TDRD7: variants seen among roughly 807,000 people sequenced by gnomAD.
TDRD7 encodes tudor domain containing 7, also known as tudor domain-containing protein 7.
In TDRD7, 47 loss-of-function variants were observed where a neutral mutation model predicts 109.8. The observed-to-expected ratio is 0.43, with a 90% confidence interval of 0.34 to 0.55. TDRD7 has a LOEUF of 0.55. Among genes scored for constraint, TDRD7 ranks in the 20% least tolerant of loss-of-function variants. The pLI, the probability that TDRD7 is intolerant of heterozygous loss-of-function variation, is 0.03. For missense variants in TDRD7, 1,164 were observed against 1,319.2 expected (o/e 0.88, Z 1.82); for synonymous variants, 424 against 457.3 (o/e 0.93, Z 0.93).
chr9:97,491,954 G>C (rs1308871624), intron 16 of TDRD7, among the ~76,000 whole-genome samples: 5 of 152,262 alleles, frequency 3.3e-5, no homozygotes, highest in Non-Finnish European at 2.9e-5. Context: ...GGTTCCCCTG[G>C]AGTTTTTAAC....
chr9:97,441,812 A>G lies in TDRD7; in HGVS notation c.792A>G (p.Leu264=). 1 of 1,613,838 alleles carries G rather than the reference A, an allele frequency of 6.2e-7. No individual in the cohort carries two copies. The highest frequency in any genetic ancestry group is 1.1e-5 in the South Asian group (1 of 91,080). The change falls in exon 6 of 17, where the codon TTA becomes TTG. Residue 264 remains leucine (L), a synonymous_variant. Transcript: ENST00000355295. ...AGCTTCCACATTTTTACAAAGAGTT[A>G]TATAAAGAAGACCTTAATCAAGGAA... is the stretch of plus-strand genomic sequence containing the variant. ...ISKLPHFYKE[L]YKEDLNQGIL... is the part of the protein sequence containing the mutation.
chr9:97,431,023 C>T lies in TDRD7; in HGVS notation c.298C>T (p.Gln100Ter). 1 of 1,613,876 alleles carries T rather than the reference C, an allele frequency of 6.2e-7. No homozygotes were observed. The highest frequency in any genetic ancestry group is 8.5e-7 in the Non-Finnish European group (1 of 1,179,862). The change falls in exon 3 of 17, where the codon CAA becomes TAA. Residue 100 changes from glutamine (Q) to a stop codon, truncating the protein, a stop_gained. Transcript: ENST00000355295. LOFTEE classifies it high-confidence loss of function. ...GAGTTCTAAAAGGAAAACCGGGCGT[C>T]AAGTTAATTGTCAGATGAGAGTGAA... ...QRSSKRKTGR[Q>*]VNCQMRVKKT...
chr9:97,413,248 C>G (rs1037582739), intron 1 of TDRD7, among the ~76,000 whole-genome samples: 2 of 152,234 alleles, frequency 1.3e-5, no homozygotes, highest in Non-Finnish European at 1.5e-5. Flanking sequence ...CTGTCTCGTC[C>G]TGGGCTGCCT....
chr9:97,490,209 C>T (rs969955683), intron 16 of TDRD7, among the ~76,000 whole-genome samples: 6 of 152,150 alleles, frequency 3.9e-5, no homozygotes, highest in Admixed American at 2.6e-4. Flanking sequence ...TATTTTCCTT[C>T]TCTGAAGAAC....
intron 16 of TDRD7, among the ~76,000 whole-genome samples, chr9:97,488,162 T>G (rs1260007505): frequency 6.6e-6 from 1 of 152,204 alleles, no homozygotes; most frequent in African/African-American, 2.4e-5. Context: ...TACCATTATG[T>G]AGCATGAACA....
intron 4 of TDRD7, among the ~76,000 whole-genome samples, chr9:97,438,321 TC>T (rs1828239213): frequency 6.6e-6 from 1 of 152,208 alleles, no homozygotes; most frequent in East Asian, 1.9e-4. Context: ...GTGCTTCATT[TC>T]AAGGAATTGA....
At chr9:97,487,035 T>C in intron 15 of TDRD7, 137 bp from the exon 16 acceptor site, 1 of 1,014,928 alleles carries the variant, frequency 9.9e-7, no homozygotes, top group Non-Finnish European at 1.5e-6. Flanking sequence ...TTTAAAACTT[T>C]TTTGAAAATA....
chr9:97,432,302 T>C, intron 4 of TDRD7, 64 bp downstream of exon 4: 9 of 1,413,942 alleles, frequency 6.4e-6, no homozygotes, highest in Non-Finnish European at 9.0e-6. Flanking sequence ...CAAATGTATG[T>C]TCAGGTTAAG....
At chr9:97,469,363 G>A (rs1233164583) in intron 8 of TDRD7, among the ~76,000 whole-genome samples, 2 of 152,218 alleles carry the variant, frequency 1.3e-5, no homozygotes, top group Non-Finnish European at 2.9e-5. Context: ...TGGATTCTAA[G>A]AGATGGTCTT....
chr9:97,464,209 T>G (rs747397107), intron 7 of TDRD7, among the ~76,000 whole-genome samples: 1 of 152,218 alleles, frequency 6.6e-6, no homozygotes, highest in Non-Finnish European at 1.5e-5. Flanking sequence ...TTCCTGACTT[T>G]TCTCAGCCTT....
intron 6 of TDRD7, among the ~76,000 whole-genome samples, chr9:97,448,094 C>T (rs1457091806): frequency 2.0e-5 from 3 of 152,078 alleles, no homozygotes; most frequent in Non-Finnish European, 2.9e-5. Context: ...CAAGGATTAC[C>T]CTCTACAAGG....
intron 1 of TDRD7, among the ~76,000 whole-genome samples, chr9:97,424,248 G>T (rs1264637529): frequency 1.3e-5 from 2 of 151,598 alleles, no homozygotes; most frequent in African/African-American, 4.8e-5. Flanking sequence ...TAGAGGTAGG[G>T]TTTCACCACA....
At position 97,482,519 on chromosome 9, in the gene TDRD7, C is replaced by T. The variant is rs61647647; in HGVS notation, c.2413-330C>T. ...CTTATCATTTCTACTTTAAGTGTTT[C>T]GAAATATCATTAATTTAAACTATTT... On this transcript the variant is annotated intron_variant, in intron 14 of 16. Coordinates refer to ENST00000355295, the MANE Select transcript of TDRD7 (RefSeq NM_014290.3). Among the ~76,000 whole-genome samples, 12,557 of 152,056 alleles carry T rather than the reference C, an allele frequency of 0.083. 756 individuals carry two copies. Among genetic ancestry groups the T allele is most frequent in the African/African-American group, 0.17 (7,213 of 41,450 alleles).
chr9:97,442,466 GAT>G (rs1417108638), intron 6 of TDRD7, among the ~76,000 whole-genome samples: 1 of 152,170 alleles, frequency 6.6e-6, no homozygotes, highest in Non-Finnish European at 1.5e-5. Flanking sequence ...CAGAGTCTGT[GAT>G]TATAAGATTA....
intron 16 of TDRD7, among the ~76,000 whole-genome samples, chr9:97,490,037 C>G (rs1229559822): frequency 1.3e-5 from 2 of 151,554 alleles, no homozygotes; most frequent in African/African-American, 2.4e-5. Context: ...CACACGTGCA[C>G]ACACACACAC....
chr9:97,412,704 C>T lies in TDRD7; in HGVS notation c.-7+466C>T, dbSNP rs1827739850. Among the ~76,000 whole-genome samples, 1 of 152,222 alleles carries T rather than the reference C, an allele frequency of 6.6e-6. No individual in the cohort carries two copies. The highest frequency in any genetic ancestry group is 1.5e-5 in the Non-Finnish European group (1 of 68,052). ...CCCAAGTATTTTACACCACGAACTT[C>T]TCTTGAAGGTCTCTATAATCTGGAG... is the stretch of plus-strand genomic sequence containing the variant. On this transcript the variant is annotated intron_variant, in intron 1 of 16. Coordinates refer to ENST00000355295, the MANE Select transcript of TDRD7 (RefSeq NM_014290.3). The surrounding 1 kb of genome is among the most constrained non-coding windows in gnomAD (Gnocchi z 4.3).
intron 14 of TDRD7, among the ~76,000 whole-genome samples, chr9:97,481,287 TC>T (rs1447933742): frequency 6.6e-6 from 1 of 152,224 alleles, no homozygotes. Flanking sequence ...TTTCTAAAGA[TC>T]ATTTAAATAA....
chr9:97,416,448 A>G (rs1409798868), intron 1 of TDRD7, among the ~76,000 whole-genome samples: 1 of 152,220 alleles, frequency 6.6e-6, no homozygotes, highest in African/African-American at 2.4e-5. Flanking sequence ...ATGGATCCCA[A>G]TAATATCTGC....
chr9:97,478,328 A>T (rs115607982), intron 12 of TDRD7, 111 bp from the exon 13 acceptor site: 20 of 1,159,306 alleles, frequency 1.7e-5, no homozygotes, highest in Non-Finnish European at 2.4e-5. Context: ...TTTAACACTG[A>T]TAGTCTGTTC....
Sources: allele counts gnomAD v4.1 joint callset (sites outside exome capture counted in the v4.1 genomes callset), GRCh38; gene constraint gnomAD v4.1.1; non-coding constraint Gnocchi (gnomAD v3.1); transcripts MANE v1.5; gene names NCBI Gene and HGNC (gene_info 2026-07-23, HGNC 2026-07-21).